The following PCDHGA8 variants were observed in gnomAD, a reference collection of about 807,000 sequenced individuals.
PCDHGA8 encodes the protein protocadherin gamma subfamily A, 8, also known as protocadherin gamma-A8.
A neutral mutation model predicts 59.2 loss-of-function variants in PCDHGA8; 45 were observed. The observed-to-expected ratio is 0.76, with a 90% confidence interval of 0.60 to 0.98. PCDHGA8 has a LOEUF of 0.98. Among genes scored for constraint, PCDHGA8 ranks in the 50% least tolerant of loss-of-function variants. The probability of loss-of-function intolerance (pLI) is 0.00; values close to 1 mark genes in which losing one functional copy is unlikely to be tolerated. For missense variants in PCDHGA8, 1,257 were observed against 1,196.2 expected (o/e 1.05, Z -0.75); for synonymous variants, 531 against 519.0 (o/e 1.02, Z -0.32).
Position 141,485,563 on chromosome 5 carries a change from C to T in PCDHGA8, c.2425-9244C>T, listed in dbSNP as rs746689576. The T allele has an allele frequency of 1.2e-5, 19 of 1,612,904 alleles. No homozygotes were observed. In the South Asian group the frequency reaches 1.6e-4, roughly 14 times the overall value. ...AGATCGTAGATGTGAATGATCACGCCCCCCGTTTTCCGCGGCAGCAGCTGG... is the reference window on the plus strand; with the variant it reads ...AGATCGTAGATGTGAATGATCACGCTCCCCGTTTTCCGCGGCAGCAGCTGG... On this transcript the variant is annotated intron_variant, in intron 1 of 3. Coordinates refer to ENST00000398604, the MANE Select transcript of PCDHGA8 (RefSeq NM_032088.2). This position sits in a 1 kb window ranked among gnomAD's most constrained non-coding sequence, Gnocchi z 5.7.
At chr5:141,480,591 T>G (rs557048485) in intron 1 of PCDHGA8, among the ~76,000 whole-genome samples, 1 of 138,080 alleles carries the variant, frequency 7.2e-6, no homozygotes, top group South Asian at 2.2e-4. Flanking sequence ...GCCGCTCTTC[T>G]GGTCAGCCTG....
rs35224477 is a variant in PCDHGA8, at chr5:141,464,263, TA to T, written c.2425-30530del. On this transcript the variant is annotated intron_variant, in intron 1 of 3. Coordinates refer to ENST00000398604, the MANE Select transcript of PCDHGA8 (RefSeq NM_032088.2). ...CTGGGCTACAGAGCGAGACTCCGTC[TA>T]AAAAAAAAAAAAAGCAAAAAAAAAA... Among the ~76,000 whole-genome samples, 390 of 103,506 alleles carry T rather than the reference TA, an allele frequency of 3.8e-3. 1 individual carries two copies. Among genetic ancestry groups the T allele is most frequent in the Admixed American group, 4.7e-3 (45 of 9,486 alleles). 67.9% of individuals were successfully genotyped at this position (103,506 alleles called of 152,430 possible). A position where few individuals can be genotyped will look rare whatever the true frequency, so the allele number is the denominator to read the frequency against.
chr5:141,395,420 T>A, intron 1 of PCDHGA8, 183 bp downstream of exon 1: 1 of 771,734 alleles, frequency 1.3e-6, no homozygotes, highest in Non-Finnish European at 2.0e-6. Flanking sequence ...ATTGTTTCAT[T>A]TGCTTTTAAA....
chr5:141,475,679 T>A (rs967189869), intron 1 of PCDHGA8, among the ~76,000 whole-genome samples: 2 of 152,236 alleles, frequency 1.3e-5, no homozygotes, highest in African/African-American at 4.8e-5. Flanking sequence ...GAGTCTTGAT[T>A]TGGATTGGAG....
rs1429603639 is a variant in PCDHGA8 at position 141,415,751 on chromosome 5, T to TTG, written c.2424+20515_2424+20516insGT. 7.1e-5 allele frequency: 95 copies of TTG among 1,328,716 alleles called. No homozygotes were observed. The African/African-American group carries it at 1.1e-3, about 15-fold the overall frequency. 82.3% of individuals were successfully genotyped at this position (1,328,716 alleles called of 1,614,324 possible). Reference sequence around the variant, plus strand: ...TGATGTTTATTAAGGTTTTTTTTTTTTTTTTTTTTTTTTTTTTTTTTACTT... The same window carrying TTG: ...TGATGTTTATTAAGGTTTTTTTTTTTTGTTTTTTTTTTTTTTTTTTTTTACTT... On this transcript the variant is annotated intron_variant, in intron 1 of 3. Coordinates refer to ENST00000398604, the MANE Select transcript of PCDHGA8 (RefSeq NM_032088.2).
intron 1 of PCDHGA8, chr5:141,409,449 C>A (rs1317609642): frequency 6.2e-7 from 1 of 1,613,934 alleles, no homozygotes; most frequent in South Asian, 1.1e-5. Flanking sequence ...GAGCAGACAC[C>A]AGAATACAAT....
chr5:141,501,300 C>T (rs867143352), intron 2 of PCDHGA8, among the ~76,000 whole-genome samples: 2,626 of 150,646 alleles, frequency 0.017, 74 homozygotes, highest in African/African-American at 0.06. Context: ...TACACACACA[C>T]ACACACACAC....
At chr5:141,488,331 T>C (rs535498873) in intron 1 of PCDHGA8, among the ~76,000 whole-genome samples, 22 of 152,218 alleles carry the variant, frequency 1.4e-4, no homozygotes, top group Non-Finnish European at 3.1e-4. Context: ...TACAGTTGGC[T>C]GATTCATAGA....
At chr5:141,417,068 T>C (rs1433034146) in intron 1 of PCDHGA8, 1 of 152,154 alleles carries the variant, frequency 6.6e-6, no homozygotes, top group African/African-American at 2.4e-5. Context: ...ATTGTAGCTA[T>C]TGTGAGAAAA....
Position 141,431,687 on chromosome 5 carries a change from G to A in PCDHGA8, c.2424+36450G>A. On this transcript the variant is annotated intron_variant, in intron 1 of 3. Transcript: ENST00000398604. This position sits in a 1 kb window ranked among gnomAD's most constrained non-coding sequence, Gnocchi z 4.8. ...ATCAACAATAGGGGAGTTGGACCAC[G>A]AGGAGTCAGGATTCTACCAGATGGA... The A allele has an allele frequency of 1.9e-6, 3 of 1,614,214 alleles. No homozygotes were observed. Among genetic ancestry groups the A allele is most frequent in the Middle Eastern group, 1.6e-4 (1 of 6,062 alleles).
chr5:141,408,249 T>A, intron 1 of PCDHGA8: 1 of 1,589,992 alleles, frequency 6.3e-7, no homozygotes, highest in Non-Finnish European at 8.6e-7. Flanking sequence ...CCGCGGCAGG[T>A]GCTATTTCCT....
rs1187072972 is a variant in PCDHGA8 at position 141,487,553 on chromosome 5, C to T, written c.2425-7254C>T. 4 of 1,614,050 alleles carry T rather than the reference C, an allele frequency of 2.5e-6. No individual in the cohort carries two copies. The African/African-American group carries it at 4.0e-5, about 16-fold the overall frequency. On this transcript the variant is annotated intron_variant, in intron 1 of 3. Coordinates refer to ENST00000398604, the MANE Select transcript of PCDHGA8 (RefSeq NM_032088.2). The surrounding 1 kb of genome is among the most constrained non-coding windows in gnomAD (Gnocchi z 5.0). ...CATGATGGTGAAGTCACCCAGTGCA[C>T]CTATGGCAGGGGAGCCTGTTCGCCC...
chr5:141,405,120 A>G (rs1223444295), intron 1 of PCDHGA8: 2 of 1,613,938 alleles, frequency 1.2e-6, no homozygotes, highest in Non-Finnish European at 1.7e-6. Context: ...CACTCCTCGC[A>G]TCTGCTGCGG....
At chr5:141,425,363 A>C (rs2096870488) in intron 1 of PCDHGA8, among the ~76,000 whole-genome samples, 1 of 152,212 alleles carries the variant, frequency 6.6e-6, no homozygotes, top group Non-Finnish European at 1.5e-5. Context: ...TGATATTAAG[A>C]GGGTTATGTT....
At chr5:141,408,036 A>C in intron 1 of PCDHGA8, 1 of 1,132,834 alleles carries the variant, frequency 8.8e-7, no homozygotes, top group Non-Finnish European at 1.2e-6. Flanking sequence ...GAAGAAAACC[A>C]GCTCCCACAC....
intron 1 of PCDHGA8, chr5:141,439,900 A>G (rs562278732): frequency 6.6e-5 from 10 of 152,362 alleles, no homozygotes; most frequent in African/African-American, 2.2e-4. Flanking sequence ...CAAGGCGACT[A>G]CTGCCTCCTT....
Position 141,485,813 on chromosome 5 carries a change from G to A in PCDHGA8, c.2425-8994G>A. The A allele has an allele frequency of 1.9e-6, 3 of 1,614,078 alleles. No individual in the cohort carries two copies. Among genetic ancestry groups the A allele is most frequent in the Non-Finnish European group, 2.5e-6 (3 of 1,180,008 alleles). On this transcript the variant is annotated intron_variant, in intron 1 of 3. Coordinates refer to ENST00000398604, the MANE Select transcript of PCDHGA8 (RefSeq NM_032088.2). This position sits in a 1 kb window ranked among gnomAD's most constrained non-coding sequence, Gnocchi z 5.7. ...ATCGGACTACCGCCTGGTGCTGACT[G>A]CTGTCGATGGAGGGAACCCGCCGAG... is the stretch of plus-strand genomic sequence containing the variant.
chr5:141,490,423 T>C lies in PCDHGA8; in HGVS notation c.2425-4384T>C. ...CCTTGATATCTCTCCGGACCTGCCATTTCAGATTAAGCCTTCTGAGAACCA... is the reference window on the plus strand; with the variant it reads ...CCTTGATATCTCTCCGGACCTGCCACTTCAGATTAAGCCTTCTGAGAACCA... On this transcript the variant is annotated intron_variant, in intron 1 of 3. Coordinates refer to ENST00000398604, the MANE Select transcript of PCDHGA8 (RefSeq NM_032088.2). This position sits in a 1 kb window ranked among gnomAD's most constrained non-coding sequence, Gnocchi z 5.4. 6.2e-7 allele frequency: 1 copy of C among 1,614,172 alleles called. No individual in the cohort carries two copies. The highest frequency in any genetic ancestry group is 8.5e-7 in the Non-Finnish European group (1 of 1,180,028).
At chr5:141,505,673 G>C (rs1389292278) in intron 3 of PCDHGA8, among the ~76,000 whole-genome samples, 192 bp downstream of exon 3, 1 of 152,178 alleles carries the variant, frequency 6.6e-6, no homozygotes, top group East Asian at 1.9e-4. Context: ...AGGGGTTGGG[G>C]GTCCTGGGAT....
Sources: gnomAD v4.1 joint callset for allele counts (sites outside exome capture counted in the v4.1 genomes callset) on GRCh38, gnomAD v4.1.1 for gene constraint, Gnocchi (gnomAD v3.1) non-coding constraint, MANE v1.5 for transcripts, NCBI Gene and HGNC (gene_info 2026-07-23, HGNC 2026-07-21) for gene names.